TUBB6: variants seen among roughly 807,000 people sequenced by gnomAD.
TUBB6 encodes tubulin beta 6 class V, also known as tubulin beta-6 chain.
In TUBB6, 18 loss-of-function variants were observed where a neutral mutation model predicts 32.3. That is an observed-to-expected ratio of 0.56 (90% CI 0.39 to 0.83). TUBB6 has a LOEUF of 0.83. Ranked by LOEUF, TUBB6 falls within the 40% of genes least tolerant of loss-of-function variation. The pLI, the probability that TUBB6 is intolerant of heterozygous loss-of-function variation, is 0.00. For missense variants in TUBB6, 480 were observed against 632.0 expected, an observed-to-expected ratio of 0.76 and a Z score of 2.58; for synonymous variants, 280 against 265.8, an observed-to-expected ratio of 1.05 and a Z score of -0.52.
chr18:12,325,861 C>A lies in TUBB6; in HGVS notation c.1072C>A (p.Pro358Thr). 6.2e-7 allele frequency: 1 copy of A among 1,614,198 alleles called. No individual in the cohort carries two copies. The highest frequency in any genetic ancestry group is 8.5e-7 in the Non-Finnish European group (1 of 1,180,050). Residue 358 changes from proline to threonine, a missense_variant, in exon 4 of 4, where the codon CCC becomes ACC. Transcript: ENST00000317702. ...GAAGGTGGCCGTGTGCGACATCCCG[C>A]CCCGCGGCCTGAAGATGGCCTCCAC... ...NVKVAVCDIP[P>T]RGLKMASTFI...
intron 2 of TUBB6, among the ~76,000 whole-genome samples, chr18:12,310,227 C>G (rs951239906): frequency 6.6e-6 from 1 of 151,890 alleles, no homozygotes; most frequent in Admixed American, 6.6e-5. Flanking sequence ...CGGTGGCTCA[C>G]CCCTGTAATC....
rs539441197 is a variant in TUBB6, at chr18:12,308,422, C to T, written c.57+73C>T. Reference sequence around the variant, plus strand: ...GGCCCCGGGTCTCCCGGCGCGACCCCCGCCGGGGCGCGCACCCGCTGTGCG... The same window carrying T: ...GGCCCCGGGTCTCCCGGCGCGACCCTCGCCGGGGCGCGCACCCGCTGTGCG... On this transcript the variant is annotated intron_variant, in intron 1 of 3. Coordinates refer to ENST00000317702, the MANE Select transcript of TUBB6 (RefSeq NM_032525.3). 2,117 of 1,177,060 alleles carry T rather than the reference C, an allele frequency of 1.8e-3. 11 individuals are homozygous for T. The highest frequency in any genetic ancestry group is 0.01 in the Middle Eastern group (31 of 3,094). 72.9% of individuals were successfully genotyped at this position (1,177,060 alleles called of 1,614,324 possible).
chr18:12,325,203 G>T lies in TUBB6; in HGVS notation c.414G>T (p.Ser138=), dbSNP rs148645230. 1.9e-6 allele frequency: 3 copies of T among 1,613,976 alleles called. No homozygotes were observed. The highest frequency in any genetic ancestry group is 3.3e-5 in the Admixed American group (2 of 59,986). ...DCLQGFQLTH[S]LGGGTGSGMG... Reference sequence around the variant, plus strand: ...TGCAGGGCTTCCAGCTCACGCACTCGCTGGGCGGCGGCACGGGCTCAGGCA... The same window carrying T: ...TGCAGGGCTTCCAGCTCACGCACTCTCTGGGCGGCGGCACGGGCTCAGGCA... The change falls in exon 4 of 4, where the codon TCG becomes TCT. Residue 138 remains serine, a synonymous_variant. Transcript: ENST00000317702.
At chr18:12,321,845 C>CT (rs1368672889) in intron 3 of TUBB6, among the ~76,000 whole-genome samples, 1 of 152,170 alleles carries the variant, frequency 6.6e-6, no homozygotes, top group Non-Finnish European at 1.5e-5. Context: ...TTTCCCAACT[C>CT]TAAGTATACT....
In TUBB6 at chr18:12,325,060, G is replaced by C; in HGVS notation, c.278-7G>C. On this transcript the variant is annotated splice_polypyrimidine_tract_variant and splice_region_variant and intron_variant, in intron 3 of 3. Transcript: ENST00000317702. ...GTTTAAACGGCACGGGACTCTCTTT[G>C]TTGCAGGCCAGACGGGTGCAGGGAA... 2 of 1,558,608 alleles carry C rather than the reference G, an allele frequency of 1.3e-6. No homozygotes were observed. The highest frequency in any genetic ancestry group is 1.7e-6 in the Non-Finnish European group (2 of 1,149,544).
chr18:12,326,921 C>T (rs939314654), downstream of TUBB6, among the ~76,000 whole-genome samples: 8 of 152,148 alleles, frequency 5.3e-5, no homozygotes, highest in Admixed American at 3.9e-4. Flanking sequence ...TGGGTGGGAG[C>T]TGGGGTGCCA....
intron 3 of TUBB6, among the ~76,000 whole-genome samples, chr18:12,311,773 A>G (rs1286165514): frequency 6.6e-6 from 1 of 152,222 alleles, no homozygotes; most frequent in Non-Finnish European, 1.5e-5. Context: ...ATAGTAAAAC[A>G]TATCTTTCTG....
chr18:12,329,612 G>T (rs200514577), downstream of TUBB6: 9 of 1,613,896 alleles, frequency 5.6e-6, no homozygotes, highest in South Asian at 1.1e-5. Flanking sequence ...TCCTTTTCCC[G>T]CTCCTTGTTC....
At chr18:12,328,397 C>A (rs1907405221), downstream of TUBB6, among the ~76,000 whole-genome samples, 4 of 152,230 alleles carry the variant, frequency 2.6e-5, no homozygotes, top group Admixed American at 2.6e-4. Flanking sequence ...AGCAAATCTT[C>A]CTCATGCCAT....
At chr18:12,329,341 C>G, downstream of TUBB6, 1 of 674,012 alleles carries the variant, frequency 1.5e-6, no homozygotes, top group Non-Finnish European at 2.7e-6. Flanking sequence ...CCCAATGAGG[C>G]TATGGGACAG....
At chr18:12,329,244 C>G, downstream of TUBB6, 1 of 702,098 alleles carries the variant, frequency 1.4e-6, no homozygotes. Flanking sequence ...TGCAACGATC[C>G]CTGCCACACG....
rs1906338388 is a variant in TUBB6, at chr18:12,310,889, A to G, written c.167-54A>G. The G allele has an allele frequency of 2.3e-6, 3 of 1,314,530 alleles. No homozygotes were observed. The Admixed American group carries it at 6.5e-5, about 29-fold the overall frequency. 81.4% of individuals were successfully genotyped at this position (1,314,530 alleles called of 1,614,324 possible). A position where few individuals can be genotyped will look rare whatever the true frequency, so the allele number is the denominator to read the frequency against. On this transcript the variant is annotated intron_variant, in intron 2 of 3. Coordinates refer to ENST00000317702, the MANE Select transcript of TUBB6 (RefSeq NM_032525.3). ...TGGTGGGACTTGAAACGGGGAAGTC[A>G]ATTACTTTAGAAACCTGAAAGTAAC...
At chr18:12,329,386 T>C, downstream of TUBB6, 1 of 713,218 alleles carries the variant, frequency 1.4e-6, no homozygotes, top group Non-Finnish European at 2.5e-6. Flanking sequence ...GAAAGTCACC[T>C]GCCACCCACT....
At chr18:12,316,702 G>C (rs997810789) in intron 3 of TUBB6, among the ~76,000 whole-genome samples, 5 of 152,184 alleles carry the variant, frequency 3.3e-5, no homozygotes, top group African/African-American at 1.2e-4. Context: ...TAGTTTTTAA[G>C]TCGTTCTCCA....
chr18:12,326,168 G>T lies in TUBB6; in HGVS notation c.*38G>T, dbSNP rs755767655. On this transcript the variant is annotated 3_prime_UTR_variant, in exon 4 of 4. Transcript: ENST00000317702. ...CGCCCCAACTCAGATCCTACAACAC[G>T]CAAGTTCCTTCTTGAACCCTGGTGC... The T allele has an allele frequency of 4.4e-6, 7 of 1,579,368 alleles. No individual in the cohort carries two copies. Among genetic ancestry groups the T allele is most frequent in the African/African-American group, 1.3e-5 (1 of 74,344 alleles).
rs1907229031 is a variant in TUBB6, at chr18:12,325,346, C to T, written c.557C>T (p.Thr186Ile). ...ACGGTGGTGGAGCCCTACAATGCCA[C>T]ACTGTCGGTGCACCAGCTGGTGGAG... is the stretch of plus-strand genomic sequence containing the variant. ...SDTVVEPYNATLSVHQLVENT... is the reference protein window; with the variant it reads ...SDTVVEPYNAILSVHQLVENT... Residue 186 changes from threonine (T) to isoleucine (I), a missense_variant, in exon 4 of 4, where the codon ACA becomes ATA. Physicochemically the swap from Thr to Ile is moderately conservative, Grantham distance 89. Coordinates refer to ENST00000317702, the MANE Select transcript of TUBB6 (RefSeq NM_032525.3). 2 of 1,614,180 alleles carry T rather than the reference C, an allele frequency of 1.2e-6. No individual in the cohort carries two copies. The highest frequency in any genetic ancestry group is 2.7e-5 in the African/African-American group (2 of 75,048).
intron 3 of TUBB6, chr18:12,311,261 A>G (rs1027190108): frequency 9.4e-6 from 4 of 427,240 alleles, no homozygotes; most frequent in East Asian, 5.3e-5. Context: ...AGGAACCTCT[A>G]TATCTCTAAA....
In TUBB6 at chr18:12,325,234, A is replaced by C; in HGVS notation, c.445A>C (p.Thr149Pro). Reference sequence around the variant, plus strand: ...CGGCGGCACGGGCTCAGGCATGGGCACGCTGCTCATCAGCAAGATCCGTGA... The same window carrying C: ...CGGCGGCACGGGCTCAGGCATGGGCCCGCTGCTCATCAGCAAGATCCGTGA... Reference protein sequence around the residue: ...LGGGTGSGMGTLLISKIREEF... With the variant: ...LGGGTGSGMGPLLISKIREEF... The change falls in exon 4 of 4, where the codon ACG becomes CCG. Residue 149 changes from threonine (T) to proline (P), a missense_variant. Thr to Pro is a conservative substitution (Grantham distance 38). Coordinates refer to ENST00000317702, the MANE Select transcript of TUBB6 (RefSeq NM_032525.3). 1.2e-6 allele frequency: 2 copies of C among 1,614,212 alleles called. No individual in the cohort carries two copies. Among genetic ancestry groups the C allele is most frequent in the Non-Finnish European group, 1.7e-6 (2 of 1,180,026 alleles).
chr18:12,325,679 G>A lies in TUBB6; in HGVS notation c.890G>A (p.Arg297Lys). ...PELTQQMFDA[R>K]NMMAACDPRH... is the part of the protein sequence containing the mutation. ...CTCACCCAGCAGATGTTCGACGCCA[G>A]GAACATGATGGCCGCCTGCGATCCG... Residue 297 changes from arginine to lysine, a missense_variant, in exon 4 of 4, where the codon AGG becomes AAG. Transcript: ENST00000317702. 1.2e-6 allele frequency: 2 copies of A among 1,614,136 alleles called. No homozygotes were observed. Among genetic ancestry groups the A allele is most frequent in the Non-Finnish European group, 1.7e-6 (2 of 1,180,044 alleles).
Sources: gnomAD v4.1 joint callset for allele counts (sites outside exome capture counted in the v4.1 genomes callset) on GRCh38, gnomAD v4.1.1 for gene constraint, MANE v1.5 for transcripts, NCBI Gene and HGNC (gene_info 2026-07-23, HGNC 2026-07-21) for gene names.